RNF130: variants seen among roughly 807,000 people sequenced by gnomAD.
RNF130 encodes the protein ring finger protein 130, also known as E3 ubiquitin-protein ligase RNF130.
Under a neutral mutation model 44.6 loss-of-function variants are expected in RNF130, and 21 were observed. The ratio of observed to expected loss-of-function variants is 0.47; its 90% CI spans 0.33 to 0.68. The LOEUF (loss-of-function observed/expected upper bound fraction) is 0.68. Among genes scored for constraint, RNF130 ranks in the 30% least tolerant of loss-of-function variants. RNF130 has a pLI of 0.02. For synonymous variants in RNF130, 214 were observed against 210.4 expected (o/e 1.02, Z -0.15); for missense variants, 479 against 560.6 (o/e 0.85, Z 1.47).
chr5:180,023,398 G>T (rs1458638915), intron 2 of RNF130, among the ~76,000 whole-genome samples: 4 of 152,126 alleles, frequency 2.6e-5, no homozygotes, highest in Non-Finnish European at 5.9e-5. Flanking sequence ...GGGTTCCTTG[G>T]AGAAATGGCT....
At chr5:180,006,012 T>A (rs1386949179) in intron 3 of RNF130, among the ~76,000 whole-genome samples, 1 of 152,226 alleles carries the variant, frequency 6.6e-6, no homozygotes, top group Non-Finnish European at 1.5e-5. Flanking sequence ...AGTCTCTGTA[T>A]ATGAAAAGTG....
intron 3 of RNF130, among the ~76,000 whole-genome samples, chr5:179,992,867 C>T (rs1763117556): frequency 6.6e-6 from 1 of 152,148 alleles, no homozygotes; most frequent in African/African-American, 2.4e-5. Flanking sequence ...AATGCTATCC[C>T]TCCCTCTTCC....
chr5:179,912,858 T>G (rs997931373), exon 8 of RNF130: 1 of 152,234 alleles, frequency 6.6e-6, no homozygotes, highest in Admixed American at 6.5e-5. Context: ...AAAAGCAAAT[T>G]TGAATTCACT....
At chr5:179,983,138 T>C (rs1762875608) in intron 3 of RNF130, among the ~76,000 whole-genome samples, 1 of 152,222 alleles carries the variant, frequency 6.6e-6, no homozygotes, top group Non-Finnish European at 1.5e-5. Flanking sequence ...CCTCACTTTA[T>C]GGCAGTTTTT....
At position 179,939,464 on chromosome 5, in the gene RNF130, G is replaced by A. The variant is rs1183312097; in HGVS notation, c.1151-19038C>T. On this transcript the variant is annotated intron_variant, in intron 7 of 7. Coordinates refer to the RNF130 transcript ENST00000522208. ...CTTCTGTAGCTGAACGTTTTTGTTC[G>A]ATGACTTTGCATGCAAGCGCAGCAG... 2.1e-5 allele frequency: 4 copies of A among 186,648 alleles called. No individual in the cohort carries two copies. The Admixed American group carries it at 2.5e-4, about 12-fold the overall frequency. The allele number at this position is 186,648 out of a possible 1,614,324, so 11.6% of individuals were successfully genotyped here.
intron 2 of RNF130, among the ~76,000 whole-genome samples, chr5:180,021,056 C>T (rs912530003): frequency 7.6e-4 from 27 of 35,638 alleles, no homozygotes; most frequent in African/African-American, 2.8e-3. Context: ...ATCTCTGCCT[C>T]GCGGGTTCAA....
chr5:179,998,859 T>TTA (rs61232613), intron 3 of RNF130, among the ~76,000 whole-genome samples: 9,999 of 89,218 alleles, frequency 0.11, 1,033 homozygotes, highest in Middle Eastern at 0.15. Flanking sequence ...CTAGTATTTT[T>TTA]TATATATATA....
intron 3 of RNF130, among the ~76,000 whole-genome samples, chr5:179,995,042 A>G (rs1002586941): frequency 1.3e-5 from 2 of 152,178 alleles, no homozygotes; most frequent in Non-Finnish European, 2.9e-5. Flanking sequence ...CCCCAGTAGC[A>G]GGCAGAAGCA....
intron 1 of RNF130, among the ~76,000 whole-genome samples, chr5:180,042,929 C>A (rs140811488): frequency 6.6e-6 from 1 of 152,356 alleles, no homozygotes; most frequent in East Asian, 1.9e-4. Context: ...GTAACTATCA[C>A]AGGTGACTGA....
intron 1 of RNF130, 34 bp downstream of exon 1, chr5:180,071,422 G>A (rs760076932): frequency 1.0e-4 from 128 of 1,231,514 alleles, no homozygotes; most frequent in Admixed American, 6.8e-4. Flanking sequence ...GGGATGCAGC[G>A]ACCACCGCCC....
chr5:179,938,071 C>T (rs1761921491), intron 7 of RNF130, among the ~76,000 whole-genome samples: 1 of 152,000 alleles, frequency 6.6e-6, no homozygotes, highest in Admixed American at 6.6e-5. Context: ...ATCCTCCCAC[C>T]TCAGCCTCCC....
At chr5:179,954,299 G>A (rs1762168442), downstream of RNF130, among the ~76,000 whole-genome samples, 1 of 152,206 alleles carries the variant, frequency 6.6e-6, no homozygotes, top group South Asian at 2.1e-4. Context: ...GTACATGAAT[G>A]TTCACAGCAA....
intron 7 of RNF130, among the ~76,000 whole-genome samples, chr5:179,945,989 G>C (rs1160818817): frequency 6.6e-6 from 1 of 152,242 alleles, no homozygotes; most frequent in Non-Finnish European, 1.5e-5. Flanking sequence ...GCCCAGCTGT[G>C]AGTGACAGAA....
At chr5:179,975,388 G>C (rs1762696521) in intron 5 of RNF130, among the ~76,000 whole-genome samples, 1 of 152,194 alleles carries the variant, frequency 6.6e-6, no homozygotes, top group Non-Finnish European at 1.5e-5. Context: ...AGTGGGTAGA[G>C]GGCCAAGGAC....
At position 179,955,328 on chromosome 5, in the gene RNF130, A is replaced by C; in HGVS notation, c.*326T>G. On this transcript the variant is annotated 3_prime_UTR_variant, in exon 9 of 9. Transcript: ENST00000521389. ...CCTATGTGGGTAGGAGCCAATGTGAAGACACCAATAGTAAGTGTCAATCCC... is the reference window on the plus strand; with the variant it reads ...CCTATGTGGGTAGGAGCCAATGTGACGACACCAATAGTAAGTGTCAATCCC... The C allele has an allele frequency of 3.9e-6, 1 of 257,910 alleles. No homozygotes were observed. Among genetic ancestry groups the C allele is most frequent in the Non-Finnish European group, 7.3e-6 (1 of 137,238 alleles). The allele number at this position is 257,910 out of a possible 1,614,324, so 16.0% of individuals were successfully genotyped here.
chr5:179,991,673 A>G (rs1287723930), intron 3 of RNF130, among the ~76,000 whole-genome samples: 1 of 152,206 alleles, frequency 6.6e-6, no homozygotes, highest in Non-Finnish European at 1.5e-5. Flanking sequence ...TTTGTGGAAG[A>G]CAATTTTTCC....
chr5:179,932,821 G>A (rs1324213974), intron 7 of RNF130, among the ~76,000 whole-genome samples: 6 of 152,048 alleles, frequency 3.9e-5, no homozygotes, highest in Admixed American at 3.3e-4. Flanking sequence ...GGGCAACAGA[G>A]TGAGACTTGG....
chr5:180,021,269 T>C (rs1054996714), intron 2 of RNF130, among the ~76,000 whole-genome samples: 4 of 152,230 alleles, frequency 2.6e-5, no homozygotes, highest in African/African-American at 9.6e-5. Flanking sequence ...ATTACAGGCG[T>C]GAGCCACTGC....
chr5:179,982,227 G>C (rs1561679838), intron 3 of RNF130, among the ~76,000 whole-genome samples: 1 of 151,386 alleles, frequency 6.6e-6, no homozygotes, highest in Admixed American at 6.6e-5. Flanking sequence ...TGTTTCAACA[G>C]TTAACTCCTT....
Sources: gnomAD v4.1 joint callset for allele counts (sites outside exome capture counted in the v4.1 genomes callset) on GRCh38, gnomAD v4.1.1 for gene constraint, MANE v1.5 for transcripts, NCBI Gene and HGNC (gene_info 2026-07-23, HGNC 2026-07-21) for gene names.